The following AKR1C8 variants were observed in gnomAD, a reference collection of about 807,000 sequenced individuals.
AKR1C8 encodes the protein aldo-keto reductase family 1 member C8.
At chr10:5,123,840 A>G in the AKR1C8 span, 2 of 1,601,332 alleles carry the variant, frequency 1.2e-6, no homozygotes, top group Non-Finnish European at 1.7e-6. Context: ...ACAAAGATAG[A>G]AAAACATCAG....
the AKR1C8 span, among the ~76,000 whole-genome samples, chr10:5,129,929 T>A: frequency 3.3e-5 from 5 of 151,984 alleles, no homozygotes; most frequent in Middle Eastern, 3.4e-3. Flanking sequence ...GAAGCCAGTA[T>A]CACCCTAATA....
At chr10:5,150,439 C>T in the AKR1C8 span, among the ~76,000 whole-genome samples, 48 of 151,974 alleles carry the variant, frequency 3.2e-4, no homozygotes, top group African/African-American at 1.0e-3. Context: ...ATAGAAATCT[C>T]ATATAATTGA....
chr10:5,126,408 G>C, the AKR1C8 span, among the ~76,000 whole-genome samples: 1 of 152,148 alleles, frequency 6.6e-6, no homozygotes. Flanking sequence ...TGGGACAAGA[G>C]TGAGGCTGGG....
chr10:5,130,454 G>A, the AKR1C8 span, among the ~76,000 whole-genome samples: 2 of 151,762 alleles, frequency 1.3e-5, no homozygotes, highest in African/African-American at 4.8e-5. Flanking sequence ...AGTAAGAAAG[G>A]GCATTGAAAT....
the AKR1C8 span, among the ~76,000 whole-genome samples, chr10:5,167,663 A>G: frequency 6.6e-6 from 1 of 152,164 alleles, no homozygotes. Context: ...TAGCATTTGG[A>G]GATATACCTA....
At chr10:5,175,896 G>C in the AKR1C8 span, among the ~76,000 whole-genome samples, 9 of 152,194 alleles carry the variant, frequency 5.9e-5, 1 homozygote, top group Non-Finnish European at 1.3e-4. Context: ...CAGATGAGTA[G>C]GTTGCGAAAA....
At chr10:5,128,980 C>G in the AKR1C8 span, among the ~76,000 whole-genome samples, 42,982 of 151,872 alleles carry the variant, frequency 0.28, 6,848 homozygotes, top group Non-Finnish European at 0.36. Context: ...GCGGAACATA[C>G]ATTCTTATCA....
the AKR1C8 span, among the ~76,000 whole-genome samples, chr10:5,121,699 C>T: frequency 1.3e-5 from 2 of 152,038 alleles, no homozygotes; most frequent in African/African-American, 4.8e-5. Context: ...TCGGTGGAGA[C>T]ACAAAGAGGG....
chr10:5,143,984 C>G, the AKR1C8 span, among the ~76,000 whole-genome samples: 2 of 151,966 alleles, frequency 1.3e-5, no homozygotes, highest in Admixed American at 6.6e-5. Context: ...CATAAACTAT[C>G]CACATTACCA....
At chr10:5,160,871 G>T in the AKR1C8 span, 1 of 471,082 alleles carries the variant, frequency 2.1e-6, no homozygotes, top group South Asian at 1.5e-5. Context: ...GCATCCTTTG[G>T]CAGTAATTCT....
chr10:5,176,774 CTGTT>C, the AKR1C8 span, among the ~76,000 whole-genome samples: 36 of 152,184 alleles, frequency 2.4e-4, no homozygotes, highest in South Asian at 1.9e-3. Context: ...ATTTGGCTCT[CTGTT>C]TGTCTGTTAT....
At chr10:5,170,913 G>A in the AKR1C8 span, among the ~76,000 whole-genome samples, 12 of 152,080 alleles carry the variant, frequency 7.9e-5, no homozygotes, top group East Asian at 1.2e-3. Context: ...CAGGTAGACC[G>A]AAACAAGTAT....
At chr10:5,160,638 T>C in the AKR1C8 span, among the ~76,000 whole-genome samples, 71 of 152,260 alleles carry the variant, frequency 4.7e-4, no homozygotes, top group African/African-American at 1.6e-3. Context: ...AAATGAACTG[T>C]AGAGGCCATC....
At chr10:5,126,337 G>A in the AKR1C8 span, among the ~76,000 whole-genome samples, 6 of 152,190 alleles carry the variant, frequency 3.9e-5, no homozygotes, top group East Asian at 1.2e-3. Context: ...CTCCCTACTT[G>A]TAACATCAAC....
chr10:5,130,084 T>C, the AKR1C8 span, among the ~76,000 whole-genome samples: 6 of 151,932 alleles, frequency 3.9e-5, no homozygotes, highest in African/African-American at 1.2e-4. Context: ...ATCAAGTGGG[T>C]TCCATCCCAA....
chr10:5,177,351 CT>C, the AKR1C8 span, among the ~76,000 whole-genome samples: 3 of 152,044 alleles, frequency 2.0e-5, no homozygotes, highest in African/African-American at 7.3e-5. Context: ...GTGGGATAAG[CT>C]TTTTGATGTG....
At chr10:5,117,288 G>A in the AKR1C8 span, among the ~76,000 whole-genome samples, 3 of 152,148 alleles carry the variant, frequency 2.0e-5, no homozygotes, top group Non-Finnish European at 4.4e-5. Flanking sequence ...GCGGACTTGA[G>A]CTGCCCTCAG....
chr10:5,123,585 G>C, the AKR1C8 span: 10 of 887,768 alleles, frequency 1.1e-5, no homozygotes, highest in East Asian at 2.7e-4. Context: ...CTGGGATCTC[G>C]TCAGAAATGC....
At chr10:5,159,011 G>A in the AKR1C8 span, among the ~76,000 whole-genome samples, 1 of 152,092 alleles carries the variant, frequency 6.6e-6, no homozygotes, top group Admixed American at 6.6e-5. Context: ...TAGAGGAAGG[G>A]CATATTCCAG....
Sources: allele counts gnomAD v4.1 joint callset (sites outside exome capture counted in the v4.1 genomes callset), GRCh38; gene constraint gnomAD v4.1.1; transcripts MANE v1.5; gene names NCBI Gene and HGNC (gene_info 2026-07-23, HGNC 2026-07-21).